MEGF11: variants seen among roughly 807,000 people sequenced by gnomAD.
MEGF11 encodes the protein multiple epidermal growth factor-like domains protein 11.
In MEGF11, 126 loss-of-function variants were observed where a neutral mutation model predicts 146.6. The observed-to-expected ratio is 0.86, with a 90% CI of 0.74 to 1.00. MEGF11 has a LOEUF of 1.00. Ranked by LOEUF, MEGF11 falls within the 50% of genes least tolerant of loss-of-function variation. The pLI is 0.00. For missense variants in MEGF11, 1,509 were observed against 1,521.2 expected, an observed-to-expected ratio of 0.99 and a Z score of 0.13; for synonymous variants, 532 against 583.4, an observed-to-expected ratio of 0.91 and a Z score of 1.27.
intron 1 of MEGF11, among the ~76,000 whole-genome samples, chr15:66,204,327 A>T (rs1324210194): frequency 6.6e-6 from 1 of 152,112 alleles, no homozygotes; most frequent in East Asian, 1.9e-4. Context: ...ACTTGAGCCC[A>T]GGGTGGGACA....
chr15:66,078,944 C>G (rs955867692), intron 5 of MEGF11, among the ~76,000 whole-genome samples: 1 of 152,214 alleles, frequency 6.6e-6, no homozygotes, highest in East Asian at 1.9e-4. Flanking sequence ...CCCGAGTACA[C>G]AGTTCACTCG....
intron 5 of MEGF11, among the ~76,000 whole-genome samples, chr15:66,015,431 G>A (rs747054430): frequency 1.1e-4 from 17 of 152,134 alleles, no homozygotes; most frequent in African/African-American, 3.6e-4. Flanking sequence ...TCATTTAATC[G>A]TTCATTCAAC....
intron 1 of MEGF11, among the ~76,000 whole-genome samples, chr15:66,176,004 C>T (rs56947022): frequency 0.27 from 40,650 of 152,008 alleles, 5,912 homozygotes; most frequent in South Asian, 0.37. Flanking sequence ...ACTGGGCAAA[C>T]GATCTGAACA....
intron 5 of MEGF11, among the ~76,000 whole-genome samples, chr15:66,050,445 A>C (rs2140345728): frequency 6.6e-6 from 1 of 152,308 alleles, no homozygotes. Flanking sequence ...GAGGCAGAGG[A>C]AACAGCCAGT....
At chr15:65,941,765 T>C (rs1437153620) in intron 10 of MEGF11, among the ~76,000 whole-genome samples, 2 of 152,204 alleles carry the variant, frequency 1.3e-5, no homozygotes, top group Non-Finnish European at 2.9e-5. Flanking sequence ...AAATCTAAAA[T>C]CTCTGGAGAT....
intron 1 of MEGF11, among the ~76,000 whole-genome samples, chr15:66,235,986 T>TTA (rs2092082918): frequency 6.6e-6 from 1 of 152,024 alleles, no homozygotes; most frequent in African/African-American, 2.4e-5. Context: ...TGAGTGTATT[T>TTA]GACTATAATA....
intron 5 of MEGF11, among the ~76,000 whole-genome samples, chr15:66,061,641 C>CTTT (rs68146356): frequency 0.77 from 110,131 of 143,228 alleles, 43,114 homozygotes; most frequent in East Asian, 0.94. Context: ...TTTTTTGAGC[C>CTTT]TTTTTTTTTT....
intron 14 of MEGF11, 55 bp downstream of exon 14, chr15:65,922,768 A>G: frequency 6.3e-7 from 1 of 1,578,408 alleles, no homozygotes; most frequent in Non-Finnish European, 8.6e-7. Flanking sequence ...CCAACTGGAG[A>G]GGGCTAGGGA....
intron 10 of MEGF11, among the ~76,000 whole-genome samples, chr15:65,947,231 G>A (rs1357681746): frequency 6.6e-6 from 1 of 151,962 alleles, no homozygotes; most frequent in Non-Finnish European, 1.5e-5. Flanking sequence ...TGGAATTATC[G>A]GCACTAATGA....
chr15:66,038,502 G>A (rs2083813378), intron 5 of MEGF11, among the ~76,000 whole-genome samples: 1 of 152,146 alleles, frequency 6.6e-6, no homozygotes, highest in African/African-American at 2.4e-5. Context: ...TTTCACACCA[G>A]GGATAATAAG....
intron 7 of MEGF11, among the ~76,000 whole-genome samples, chr15:65,972,519 G>A (rs2081327370): frequency 6.6e-6 from 1 of 151,552 alleles, no homozygotes; most frequent in Admixed American, 6.6e-5. Flanking sequence ...GACCAGCCTA[G>A]GCAACAAAGC....
intron 1 of MEGF11, among the ~76,000 whole-genome samples, chr15:66,141,349 T>C (rs1731147448): frequency 1.4e-5 from 2 of 146,592 alleles, no homozygotes; most frequent in Non-Finnish European, 3.0e-5. Flanking sequence ...GCTTCCTCCA[T>C]GCTCACGAGA....
At chr15:66,226,117 G>A (rs1333471794) in intron 1 of MEGF11, among the ~76,000 whole-genome samples, 2 of 152,174 alleles carry the variant, frequency 1.3e-5, no homozygotes, top group Admixed American at 6.6e-5. Flanking sequence ...TCCAGCCCGG[G>A]ACATGAATCA....
At chr15:66,064,930 G>C (rs900050368) in intron 5 of MEGF11, among the ~76,000 whole-genome samples, 1 of 152,182 alleles carries the variant, frequency 6.6e-6, no homozygotes, top group Non-Finnish European at 1.5e-5. Flanking sequence ...GTGAGTCAGA[G>C]CCTGGAGCTC....
chr15:66,156,486 G>A (rs527540034), intron 1 of MEGF11, among the ~76,000 whole-genome samples: 3 of 152,180 alleles, frequency 2.0e-5, no homozygotes, highest in African/African-American at 7.2e-5. Context: ...CTTAAAGACA[G>A]CCACAGCTGG....
At chr15:65,965,592 C>CTTTTTTTTTTTTTTTTTTTTTTT (rs1567179999) in intron 8 of MEGF11, among the ~76,000 whole-genome samples, 2 of 16,492 alleles carry the variant, frequency 1.2e-4, no homozygotes, top group African/African-American at 2.6e-4. Flanking sequence ...TTCTTTCTTT[C>CTTTTTTTTTTTTTTTTTTTTTTT]TTTCTTTCTT....
intron 21 of MEGF11, among the ~76,000 whole-genome samples, chr15:65,910,992 C>G (rs2078786415): frequency 6.6e-6 from 1 of 152,176 alleles, no homozygotes; most frequent in African/African-American, 2.4e-5. Context: ...CTTCTTGTTT[C>G]CCACTCTGCC....
intron 7 of MEGF11, among the ~76,000 whole-genome samples, chr15:65,973,695 G>C (rs1379957524): frequency 6.6e-6 from 1 of 152,162 alleles, no homozygotes; most frequent in Non-Finnish European, 1.5e-5. Context: ...GGTGGGAGAG[G>C]GGTTGCGTGT....
intron 1 of MEGF11, among the ~76,000 whole-genome samples, chr15:66,237,276 G>A (rs767582999): frequency 5.3e-5 from 8 of 152,100 alleles, no homozygotes; most frequent in Non-Finnish European, 8.8e-5. Flanking sequence ...CAGAGAAGGT[G>A]TGTGCCTGAT....
Sources: gnomAD v4.1 joint callset for allele counts (sites outside exome capture counted in the v4.1 genomes callset) on GRCh38, gnomAD v4.1.1 for gene constraint, MANE v1.5 for transcripts, NCBI Gene and HGNC (gene_info 2026-07-23, HGNC 2026-07-21) for gene names.